The following KLF7 variants were observed in gnomAD, a reference collection of about 807,000 sequenced individuals.
The protein encoded by KLF7 is KLF transcription factor 7, also known as Krueppel-like factor 7.
A neutral mutation model predicts 27.3 loss-of-function variants in KLF7; 2 were observed. The observed-to-expected ratio is 0.07, with a 90% CI of 0.03 to 0.23. The LOEUF is 0.23. Ranked by LOEUF, KLF7 falls within the 10% of genes least tolerant of loss-of-function variation. KLF7 has a pLI of 1.00. For missense variants in KLF7, 221 were observed against 394.1 expected, an observed-to-expected ratio of 0.56 and a Z score of 3.72; for synonymous variants, 165 against 162.4, an observed-to-expected ratio of 1.02 and a Z score of -0.12.
chr2:207,163,992 A>G (rs1191389729), intron 1 of KLF7, among the ~76,000 whole-genome samples: 1 of 152,252 alleles, frequency 6.6e-6, no homozygotes, highest in African/African-American at 2.4e-5. Context: ...AGAGAGACAG[A>G]GTCAAGCATC....
rs57641951 is a variant in KLF7 at position 207,165,385 on chromosome 2, T to A, written c.102+82A>T. 3,301 of 1,577,052 alleles carry A rather than the reference T, an allele frequency of 2.1e-3. 83 individuals carry two copies. In the East Asian group the frequency reaches 0.057, roughly 27 times the overall value. On this transcript the variant is annotated intron_variant, in intron 1 of 3. Transcript: ENST00000309446. Reference sequence around the variant, plus strand: ...AAAAGTCAAACAAACAAACAAAAATTTCAACCCAGAGCCCACACCAACGCA... The same window carrying A: ...AAAAGTCAAACAAACAAACAAAAATATCAACCCAGAGCCCACACCAACGCA...
chr2:207,084,613 G>T (rs1027661549), intron 3 of KLF7, among the ~76,000 whole-genome samples: 3 of 152,010 alleles, frequency 2.0e-5, no homozygotes, highest in Non-Finnish European at 2.9e-5. Flanking sequence ...CAATACCCCA[G>T]CAAGGTACTT....
intron 1 of KLF7, among the ~76,000 whole-genome samples, chr2:207,134,747 G>A (rs548258098): frequency 6.6e-6 from 1 of 152,306 alleles, no homozygotes; most frequent in South Asian, 2.1e-4. Flanking sequence ...TGGCCCTGGA[G>A]CCAGACTGCC....
In KLF7 at chr2:207,165,824, A is replaced by G; in HGVS notation, c.-256T>C. On this transcript the variant is annotated 5_prime_UTR_variant, in exon 1 of 4. Coordinates refer to ENST00000309446, the MANE Select transcript of KLF7 (RefSeq NM_003709.4). ...GTGTACAGTGCAGACGACTGCCAGG[A>G]AAAGGGGACTTCTCCACGGGAGTAA... 1 of 1,330,498 alleles carries G rather than the reference A, an allele frequency of 7.5e-7. No individual in the cohort carries two copies. Among genetic ancestry groups the G allele is most frequent in the Non-Finnish European group, 9.6e-7 (1 of 1,037,416 alleles). 82.4% of individuals were successfully genotyped at this position (1,330,498 alleles called of 1,614,324 possible). A position where few individuals can be genotyped will look rare whatever the true frequency, so the allele number is the denominator to read the frequency against.
At chr2:207,147,767 A>C (rs2078135711) in intron 1 of KLF7, among the ~76,000 whole-genome samples, 1 of 152,194 alleles carries the variant, frequency 6.6e-6, no homozygotes. Context: ...CATTGGGAGA[A>C]GCTGGCGAAG....
intron 1 of KLF7, among the ~76,000 whole-genome samples, chr2:207,126,103 A>ATGATGTATGTATT: frequency 3.3e-5 from 5 of 152,194 alleles, no homozygotes; most frequent in African/African-American, 1.2e-4. Flanking sequence ...CTACATTAGA[A>ATGATGTATGTATT]ACCAGTATGA....
At chr2:207,120,154 G>A (rs2077299239) in intron 2 of KLF7, among the ~76,000 whole-genome samples, 1 of 152,010 alleles carries the variant, frequency 6.6e-6, no homozygotes, top group African/African-American at 2.4e-5. Context: ...AGCTACCAAT[G>A]TGAACATCTG....
intron 1 of KLF7, among the ~76,000 whole-genome samples, chr2:207,165,245 C>T (rs1405899903): frequency 6.6e-6 from 1 of 152,108 alleles, no homozygotes. Flanking sequence ...ACGCAGGCAG[C>T]TCGCACCGGC....
In KLF7 at chr2:207,116,464, CATT is replaced by C. The variant is rs550732362; in HGVS notation, c.733+7307_733+7309del. Among the ~76,000 whole-genome samples, 11 of 152,284 alleles carry C rather than the reference CATT, an allele frequency of 7.2e-5. No homozygotes were observed. The South Asian group carries it at 2.1e-3, about 29-fold the overall frequency. The stretch of plus-strand genomic sequence containing the variant: ...CTTTCTAATTCAAACACAATCACTA[CATT>C]ATTATTTCAACTTCAGGAAACATAG... On this transcript the variant is annotated intron_variant, in intron 2 of 3. Coordinates refer to ENST00000309446, the MANE Select transcript of KLF7 (RefSeq NM_003709.4).
intron 1 of KLF7, among the ~76,000 whole-genome samples, chr2:207,138,162 C>T (rs1472684305): frequency 1.3e-5 from 2 of 152,154 alleles, no homozygotes; most frequent in East Asian, 1.9e-4. Context: ...CCTGTCTGAA[C>T]CAATTTCCAT....
upstream of KLF7, chr2:207,166,747 C>T (rs57314858): frequency 0.39 from 381,343 of 968,020 alleles, 77,141 homozygotes; most frequent in East Asian, 0.49. Flanking sequence ...CCGGGGAGGT[C>T]CTCACGTACT....
chr2:207,121,354 C>A (rs2077335250), intron 2 of KLF7: 1 of 152,226 alleles, frequency 6.6e-6, no homozygotes, highest in Non-Finnish European at 1.5e-5. Flanking sequence ...TCAACAACAA[C>A]AGTAATAGCT....
In KLF7 at chr2:207,102,729, T is replaced by C. The variant is rs887372239; in HGVS notation, c.734-14148A>G. Among the ~76,000 whole-genome samples, 13 of 152,210 alleles carry C rather than the reference T, an allele frequency of 8.5e-5. No individual in the cohort carries two copies. The South Asian group carries it at 2.1e-3, about 24-fold the overall frequency. ...AAAAGAATTATTAAGACTAAAAGCATAGCAGCAACCGCCAGTTGTCCTCTA... is the reference window on the plus strand; with the variant it reads ...AAAAGAATTATTAAGACTAAAAGCACAGCAGCAACCGCCAGTTGTCCTCTA... On this transcript the variant is annotated intron_variant, in intron 2 of 3. Transcript: ENST00000309446.
intron 2 of KLF7, among the ~76,000 whole-genome samples, chr2:207,100,050 A>T (rs1476512697): frequency 6.6e-6 from 1 of 152,178 alleles, no homozygotes; most frequent in Non-Finnish European, 1.5e-5. Context: ...GGATCACTTG[A>T]GCAGGGGAGG....
intron 1 of KLF7, among the ~76,000 whole-genome samples, chr2:207,156,389 T>C (rs2078384377): frequency 2.0e-5 from 3 of 152,200 alleles, no homozygotes. Context: ...AAATTCTTTA[T>C]AAACAGAGTC....
rs546106849 is a variant in KLF7, at chr2:207,138,478, A to G, written c.103-14074T>C. ...TTGAGGTCTCAATCATCTCAGCCAAAAAAATATTTAAGAACAGCATATATT... is the reference window on the plus strand; with the variant it reads ...TTGAGGTCTCAATCATCTCAGCCAAGAAAATATTTAAGAACAGCATATATT... On this transcript the variant is annotated intron_variant, in intron 1 of 3. Coordinates refer to ENST00000309446, the MANE Select transcript of KLF7 (RefSeq NM_003709.4). Among the ~76,000 whole-genome samples, 3 of 152,322 alleles carry G rather than the reference A, an allele frequency of 2.0e-5. No individual in the cohort carries two copies. In the East Asian group the frequency reaches 5.8e-4, roughly 29 times the overall value.
rs747612150 is a variant in KLF7, at chr2:207,080,756, T to C, written c.*457A>G. On this transcript the variant is annotated 3_prime_UTR_variant, in exon 4 of 4. Transcript: ENST00000309446. ...AAAAGAAACATTAGTGCTACACATA[T>C]GCAACTTTAAGATGCTGGATTCTCC... 10 of 400,458 alleles carry C rather than the reference T, an allele frequency of 2.5e-5. No homozygotes were observed. Among genetic ancestry groups the C allele is most frequent in the Non-Finnish European group, 4.0e-5 (9 of 227,132 alleles). 24.8% of individuals were successfully genotyped at this position (400,458 alleles called of 1,614,324 possible). A position where few individuals can be genotyped will look rare whatever the true frequency, so the allele number is the denominator to read the frequency against.
At chr2:207,090,118 T>C (rs1045603882) in intron 2 of KLF7, among the ~76,000 whole-genome samples, 15 of 152,118 alleles carry the variant, frequency 9.9e-5, no homozygotes, top group Non-Finnish European at 1.5e-5. Flanking sequence ...GAGCCACTGC[T>C]CTGTAAGACC....
At position 207,165,557 on chromosome 2, in the gene KLF7, C is replaced by A; in HGVS notation, c.12G>T (p.Leu4Phe). The A allele has an allele frequency of 6.2e-7, 1 of 1,613,790 alleles. No homozygotes were observed. Residue 4 changes from leucine to phenylalanine, a missense_variant, in exon 1 of 4, where the codon TTG becomes TTT. By Grantham distance (22) the Leu-to-Phe change is conservative. Transcript: ENST00000309446. ...GCTCCTGGAATATACTATAACTAGC[C>A]AACACGTCCATGCTGCTGCTGCCGG... Reference protein sequence around the residue: MDVLASYSIFQELQ... With the variant: MDVFASYSIFQELQ...
Sources: gnomAD v4.1 joint callset for allele counts (sites outside exome capture counted in the v4.1 genomes callset) on GRCh38, gnomAD v4.1.1 for gene constraint, MANE v1.5 for transcripts, NCBI Gene and HGNC (gene_info 2026-07-23, HGNC 2026-07-21) for gene names.